Variants in NIN observed in about 807,000 individuals in gnomAD.
NIN encodes glycogen synthase kinase 3 beta-interacting protein.
A neutral mutation model predicts 257.6 loss-of-function variants in NIN; 137 were observed. The observed-to-expected ratio is 0.53, with a 90% CI of 0.46 to 0.61. NIN has a LOEUF of 0.61. Ranked by LOEUF, NIN falls within the 20% of genes least tolerant of loss-of-function variation. NIN has a pLI of 0.00. For missense variants in NIN, 2,439 were observed against 2,501.2 expected (o/e 0.98, Z 0.53); for synonymous variants, 918 against 919.8 (o/e 1.00, Z 0.04).
At chr14:50,788,181 CA>C (rs1346363369) in intron 5 of NIN, among the ~76,000 whole-genome samples, 1 of 152,142 alleles carries the variant, frequency 6.6e-6, no homozygotes, top group East Asian at 1.9e-4. Context: ...GATTTCTTTT[CA>C]TACATTCTAC....
intron 4 of NIN, among the ~76,000 whole-genome samples, chr14:50,805,459 C>T (rs925111423): frequency 6.6e-6 from 1 of 152,136 alleles, no homozygotes; most frequent in African/African-American, 2.4e-5. Context: ...AACAACATTG[C>T]TAGGGGTGTC....
chr14:50,758,726 A>G, intron 17 of NIN, 96 bp from the exon 18 acceptor site: 1 of 1,125,990 alleles, frequency 8.9e-7, no homozygotes, highest in Non-Finnish European at 1.2e-6. Flanking sequence ...CTGCTGAGCA[A>G]ACAACTGAAA....
At chr14:50,827,843 G>A (rs1055329968) in intron 2 of NIN, among the ~76,000 whole-genome samples, 8 of 151,034 alleles carry the variant, frequency 5.3e-5, no homozygotes, top group African/African-American at 1.7e-4. Context: ...TCCTATCAGC[G>A]TTTATTCGAA....
At chr14:50,769,721 C>T (rs1460107791) in intron 12 of NIN, among the ~76,000 whole-genome samples, 1 of 152,036 alleles carries the variant, frequency 6.6e-6, no homozygotes, top group Non-Finnish European at 1.5e-5. Context: ...AGGCTGGTCT[C>T]GAATTCCTGA....
intron 26 of NIN, among the ~76,000 whole-genome samples, chr14:50,738,665 T>C (rs1054509954): frequency 6.6e-6 from 1 of 152,210 alleles, no homozygotes; most frequent in Non-Finnish European, 1.5e-5. Context: ...CTGCTCTTAT[T>C]GGACTATTCA....
intron 2 of NIN, among the ~76,000 whole-genome samples, chr14:50,828,317 A>G (rs2045557202): frequency 6.6e-6 from 1 of 152,244 alleles, no homozygotes; most frequent in Non-Finnish European, 1.5e-5. Context: ...TTTTCCATCC[A>G]AAAGCTTGAA....
At chr14:50,762,033 G>A in intron 15 of NIN, 122 bp from the exon 16 acceptor site, 2 of 993,146 alleles carry the variant, frequency 2.0e-6, no homozygotes, top group Non-Finnish European at 3.0e-6. Flanking sequence ...CCAGAGATGT[G>A]AACTAATAGG....
chr14:50,803,679 T>C (rs2044195235), intron 4 of NIN, among the ~76,000 whole-genome samples: 3 of 152,216 alleles, frequency 2.0e-5, no homozygotes, highest in Non-Finnish European at 4.4e-5. Context: ...TCTTTGGGCC[T>C]CTAATTGCTC....
At chr14:50,811,670 C>T (rs995630311) in intron 3 of NIN, among the ~76,000 whole-genome samples, 3 of 146,162 alleles carry the variant, frequency 2.1e-5, no homozygotes, top group South Asian at 2.2e-4. Flanking sequence ...GAGGCCAAAG[C>T]GGGCTGATTG....
chr14:50,769,610 C>T (rs1257105539), intron 12 of NIN, among the ~76,000 whole-genome samples: 1 of 152,146 alleles, frequency 6.6e-6, no homozygotes, highest in African/African-American at 2.4e-5. Context: ...AAGCAATTCT[C>T]CTGCCTCAGC....
At chr14:50,731,718 T>C (rs1337618605) in intron 28 of NIN, among the ~76,000 whole-genome samples, 1 of 151,780 alleles carries the variant, frequency 6.6e-6, no homozygotes, top group Non-Finnish European at 1.5e-5. Context: ...CCCAGCTACC[T>C]GGGAGGCTGA....
chr14:50,757,156 C>T lies in NIN; in HGVS notation c.3874G>A (p.Asp1292Asn). The T allele has an allele frequency of 6.2e-7, 1 of 1,612,826 alleles. No individual in the cohort carries two copies. The highest frequency in any genetic ancestry group is 8.5e-7 in the Non-Finnish European group (1 of 1,179,644). ...ACTTCCTCCATTTTCTTCAGCTCAT[C>T]CTGCAACCTGAAAACCTCTGCAGTG... ...ELTAEVFRLQ[D>N]ELKKMEEVTE... is the part of the protein sequence containing the mutation. The change falls in exon 18 of 31, where the codon GAT becomes AAT. Residue 1292 changes from aspartate to asparagine, a missense_variant. Coordinates refer to ENST00000530997, the MANE Select transcript of NIN (RefSeq NM_020921.4).
At chr14:50,781,737 G>C (rs2043142414) in intron 5 of NIN, among the ~76,000 whole-genome samples, 1 of 152,188 alleles carries the variant, frequency 6.6e-6, no homozygotes, top group Non-Finnish European at 1.5e-5. Flanking sequence ...ATGGGAACAA[G>C]GTAGTGCATA....
chr14:50,772,021 CACAACAACA>C (rs911255420), intron 9 of NIN: 5 of 251,866 alleles, frequency 2.0e-5, no homozygotes, highest in East Asian at 1.6e-4. Context: ...AAAAAAAAAA[CACAACAACA>C]ACAACAACAA....
At chr14:50,774,480 C>G (rs538187279) in intron 7 of NIN, among the ~76,000 whole-genome samples, 93 of 152,264 alleles carry the variant, frequency 6.1e-4, no homozygotes, top group African/African-American at 2.2e-3. Flanking sequence ...GAAACGTTTG[C>G]AAGAAGCAAC....
At position 50,773,143 on chromosome 14, in the gene NIN, A is replaced by C. The variant is rs368377532; in HGVS notation, c.667-48T>G. On this transcript the variant is annotated intron_variant, in intron 7 of 30. Coordinates refer to ENST00000530997, the MANE Select transcript of NIN (RefSeq NM_020921.4). ...TTTAAATACTCCATTCAAGTATACA[A>C]GGCCCAAAGTATACTTCCGGCCAGT... 2.7e-5 allele frequency: 41 copies of C among 1,507,392 alleles called. No individual in the cohort carries two copies. The Middle Eastern group carries it at 1.9e-3, about 70-fold the overall frequency. 93.4% of individuals were successfully genotyped at this position (1,507,392 alleles called of 1,614,324 possible).
intron 5 of NIN, among the ~76,000 whole-genome samples, chr14:50,779,406 C>T (rs752458615): frequency 1.3e-5 from 2 of 152,168 alleles, no homozygotes; most frequent in African/African-American, 4.8e-5. Context: ...CTTGTTAGAT[C>T]GGGAAGAAGC....
chr14:50,789,565 C>T (rs2043493801), intron 5 of NIN, among the ~76,000 whole-genome samples: 1 of 152,118 alleles, frequency 6.6e-6, no homozygotes, highest in Non-Finnish European at 1.5e-5. Context: ...AGCGAGACTC[C>T]ATCTCAAGAA....
At chr14:50,790,581 C>T (rs748146350) in intron 5 of NIN, among the ~76,000 whole-genome samples, 22 of 152,130 alleles carry the variant, frequency 1.4e-4, no homozygotes, top group Non-Finnish European at 2.8e-4. Flanking sequence ...GGAGTCCTCG[C>T]TGAGAACAGA....
Sources: gnomAD v4.1 joint callset for allele counts (sites outside exome capture counted in the v4.1 genomes callset) on GRCh38, gnomAD v4.1.1 for gene constraint, MANE v1.5 for transcripts, NCBI Gene and HGNC (gene_info 2026-07-23, HGNC 2026-07-21) for gene names.